ISL2: variants seen among roughly 807,000 people sequenced by gnomAD.
ISL2 encodes the protein insulin gene enhancer protein ISL-2.
A neutral mutation model predicts 34.6 loss-of-function variants in ISL2; 17 were observed. The ratio of observed to expected loss-of-function variants is 0.49; its 90% CI spans 0.34 to 0.74. The LOEUF (loss-of-function observed/expected upper bound fraction) is 0.74. ISL2 is among the 30% of genes least tolerant of loss of function. The pLI, the probability that ISL2 is intolerant of heterozygous loss-of-function variation, is 0.01. For missense variants in ISL2, 469 were observed against 515.2 expected (o/e 0.91, Z 0.87); for synonymous variants, 232 against 225.5 (o/e 1.03, Z -0.26).
At chr15:76,339,705 G>A (rs900882667) in intron 3 of ISL2, 4 of 985,702 alleles carry the variant, frequency 4.1e-6, no homozygotes, top group Admixed American at 1.2e-4. Context: ...ACTGTTGCAA[G>A]CCCTGGAGGC....
Position 76,337,836 on chromosome 15 carries a change from C to T in ISL2, c.117C>T (p.Ile39=), listed in dbSNP as rs1399645564. 1.2e-6 allele frequency: 2 copies of T among 1,612,278 alleles called. No homozygotes were observed. The highest frequency in any genetic ancestry group is 8.5e-7 in the Non-Finnish European group (1 of 1,179,474). The change falls in exon 2 of 6, where the codon ATC becomes ATT. Residue 39 remains isoleucine, a synonymous_variant. Coordinates refer to ENST00000290759, the MANE Select transcript of ISL2 (RefSeq NM_145805.3). ...GCGSQIHDQF[I]LRVSPDLEWH... ...GGAGTCAGATCCACGACCAGTTTAT[C>T]CTGCGGGTGTCGCCCGACCTCGAGT... is the stretch of plus-strand genomic sequence containing the variant.
intron 1 of ISL2, 122 bp from the exon 2 acceptor site, chr15:76,337,656 T>G (rs1254657020): frequency 9.6e-6 from 8 of 833,156 alleles, no homozygotes; most frequent in African/African-American, 1.8e-5. Flanking sequence ...TCTTTCCTTA[T>G]GGTCGCAAGT....
chr15:76,340,236 C>T (rs931868403), intron 3 of ISL2, 40 bp from the exon 4 acceptor site: 21 of 1,494,178 alleles, frequency 1.4e-5, no homozygotes, highest in Non-Finnish European at 1.8e-5. Context: ...GGGTGGGTGG[C>T]GGCCCCTCGC....
rs746201491 is a variant in ISL2, at chr15:76,341,008, G to A, written c.796-126G>A. 6.5e-6 allele frequency: 6 copies of A among 928,252 alleles called. No individual in the cohort carries two copies. In the Admixed American group the frequency reaches 1.1e-4, roughly 18 times the overall value. The allele number at this position is 928,252 out of a possible 1,614,324, so 57.5% of individuals were successfully genotyped here. A position where few individuals can be genotyped will look rare whatever the true frequency, so the allele number is the denominator to read the frequency against. The stretch of plus-strand genomic sequence containing the variant: ...GAAAGAGGGCTCTTCCGATGCGATC[G>A]AGTGTGCGCCTCCCCGCAAAGCAAT... On this transcript the variant is annotated intron_variant, in intron 4 of 5. Coordinates refer to ENST00000290759, the MANE Select transcript of ISL2 (RefSeq NM_145805.3).
intron 4 of ISL2, among the ~76,000 whole-genome samples, chr15:76,340,932 C>G (rs1265065949): frequency 6.6e-6 from 1 of 152,256 alleles, no homozygotes; most frequent in Non-Finnish European, 1.5e-5. Flanking sequence ...CTTCCAGCAC[C>G]GAGGCTGACC....
At chr15:76,340,660 A>G (rs1001063008) in intron 4 of ISL2, 101 bp downstream of exon 4, 12 of 1,107,258 alleles carry the variant, frequency 1.1e-5, no homozygotes, top group Middle Eastern at 2.9e-4. Context: ...AGATCCAGGG[A>G]GAACTGGGCG....
At chr15:76,337,537 A>C (rs2040159813) in intron 1 of ISL2, 1 of 466,882 alleles carries the variant, frequency 2.1e-6, no homozygotes, top group African/African-American at 2.0e-5. Context: ...ACTGTCATTA[A>C]TGAATGTAAT....
At position 76,341,065 on chromosome 15, in the gene ISL2, C is replaced by G. The variant is rs563467475; in HGVS notation, c.796-69C>G. The G allele has an allele frequency of 3.0e-5, 43 of 1,410,450 alleles. No homozygotes were observed. The African/African-American group carries it at 5.3e-4, about 17-fold the overall frequency. The allele number at this position is 1,410,450 out of a possible 1,614,324, so 87.4% of individuals were successfully genotyped here. On this transcript the variant is annotated intron_variant, in intron 4 of 5. Transcript: ENST00000290759. ...CCTAAATCACTCAAGGCCTGGAGCTCCAGTCTCAAAGGTGGCAGAAAAGGC... is the reference window on the plus strand; with the variant it reads ...CCTAAATCACTCAAGGCCTGGAGCTGCAGTCTCAAAGGTGGCAGAAAAGGC...
At chr15:76,341,687 C>T in intron 5 of ISL2, 32 bp from the exon 6 acceptor site, 1 of 1,507,478 alleles carries the variant, frequency 6.6e-7, no homozygotes, top group Admixed American at 1.7e-5. Context: ...TGCCTCTTCA[C>T]CTGCCTCTTC....
In ISL2 at chr15:76,341,270, G is replaced by A. The variant is rs1349884131; in HGVS notation, c.932G>A (p.Ser311Asn). 1.2e-6 allele frequency: 2 copies of A among 1,608,310 alleles called. No homozygotes were observed. Among genetic ancestry groups the A allele is most frequent in the South Asian group, 2.2e-5 (2 of 90,036 alleles). ...WKALSEFALQ[S>N]DLDQPAFQQL... ...GCGCTCAGCGAGTTTGCCCTCCAGA[G>A]CGACCTGGACCAACCCGCCTTCCAA... The change falls in exon 5 of 6, where the codon AGC becomes AAC. Residue 311 changes from serine (S) to asparagine (N), a missense_variant. By Grantham distance (46) the Ser-to-Asn change is conservative. This residue lies in a region of ISL2 where 169 missense variants were observed against 154.2 expected (regional missense o/e 1.10). Transcript: ENST00000290759.
chr15:76,341,676 G>T (rs1265289563), intron 5 of ISL2, 43 bp from the exon 6 acceptor site: 1 of 1,408,832 alleles, frequency 7.1e-7, no homozygotes, highest in East Asian at 2.3e-5. Context: ...ACCAGCTCGC[G>T]TGCCTCTTCA....
chr15:76,339,643 G>A, intron 3 of ISL2: 1 of 985,638 alleles, frequency 1.0e-6, no homozygotes, highest in Non-Finnish European at 1.2e-6. Context: ...TGGGGAACCT[G>A]GAGCCTTGAG....
At chr15:76,338,006 A>AGGGGCC (rs1251494527) in intron 2 of ISL2, 39 bp downstream of exon 2, 6 of 1,514,090 alleles carry the variant, frequency 4.0e-6, no homozygotes, top group African/African-American at 2.9e-5. Flanking sequence ...CACCGCGCGC[A>AGGGGCC]GGGGCCGGGG....
At chr15:76,338,874 T>G in intron 3 of ISL2, 11 of 985,300 alleles carry the variant, frequency 1.1e-5, no homozygotes, top group Non-Finnish European at 1.2e-5. Flanking sequence ...GAGGAATATG[T>G]GTTATTGTCA....
intron 3 of ISL2, chr15:76,339,314 G>A (rs534290890): frequency 1.0e-6 from 1 of 984,478 alleles, no homozygotes; most frequent in South Asian, 4.7e-5. Flanking sequence ...TATAGAAAGA[G>A]GAAACTGGGC....
In ISL2 at chr15:76,341,868, G is replaced by A. The variant is rs1384333624; in HGVS notation, c.*33G>A. The A allele has an allele frequency of 1.4e-6, 2 of 1,404,534 alleles. No individual in the cohort carries two copies. Among genetic ancestry groups the A allele is most frequent in the South Asian group, 1.1e-5 (1 of 86,964 alleles). The allele number at this position is 1,404,534 out of a possible 1,614,324, so 87.0% of individuals were successfully genotyped here. A position where few individuals can be genotyped will look rare whatever the true frequency, so the allele number is the denominator to read the frequency against. ...CCCTCCCTGCCAGCCCGCGGACCTC[G>A]CATGCTCCCTGCATGAGACTCACCC... On this transcript the variant is annotated 3_prime_UTR_variant, in exon 6 of 6. Coordinates refer to ENST00000290759, the MANE Select transcript of ISL2 (RefSeq NM_145805.3).
Position 76,341,750 on chromosome 15 carries a change from A to G in ISL2, c.995A>G (p.Asn332Ser). ...TTCTCCGAGTCCGGCTCCCTAGGCA[A>G]CTCCTCCGGCAGCGACGTGACCTCC... is the stretch of plus-strand genomic sequence containing the variant. ...VSFSESGSLG[N>S]SSGSDVTSLS... The change falls in exon 6 of 6, where the codon AAC (asparagine) becomes AGC (serine). Residue 332 changes from asparagine (N) to serine (S), a missense_variant. By Grantham distance (46) the Asn-to-Ser change is conservative. This residue lies in a region of ISL2 where 169 missense variants were observed against 154.2 expected (regional missense o/e 1.10). Coordinates refer to ENST00000290759, the MANE Select transcript of ISL2 (RefSeq NM_145805.3). 1 of 1,612,484 alleles carries G rather than the reference A, an allele frequency of 6.2e-7. No homozygotes were observed. The highest frequency in any genetic ancestry group is 1.1e-5 in the South Asian group (1 of 90,972).
At chr15:76,341,540 G>T (rs1446380101) in intron 5 of ISL2, among the ~76,000 whole-genome samples, 179 bp from the exon 6 acceptor site, 1 of 152,144 alleles carries the variant, frequency 6.6e-6, no homozygotes, top group East Asian at 1.9e-4. Context: ...TAACCAACCC[G>T]CTCCCCCGCC....
At position 76,341,595 on chromosome 15, in the gene ISL2, C is replaced by A. The variant is rs1267196850; in HGVS notation, c.964-124C>A. The A allele has an allele frequency of 5.1e-6, 4 of 791,782 alleles. No individual in the cohort carries two copies. In the African/African-American group the frequency reaches 5.1e-5, roughly 10 times the overall value. The allele number at this position is 791,782 out of a possible 1,614,324, so 49.0% of individuals were successfully genotyped here. On this transcript the variant is annotated intron_variant, in intron 5 of 5. Coordinates refer to ENST00000290759, the MANE Select transcript of ISL2 (RefSeq NM_145805.3). Reference sequence around the variant, plus strand: ...CCTGGGGACCTGGCCTCCTTCTCCGCAGGGCTTGCTCTCAGCTGGCGGCCG... The same window carrying A: ...CCTGGGGACCTGGCCTCCTTCTCCGAAGGGCTTGCTCTCAGCTGGCGGCCG...
Sources: allele counts gnomAD v4.1 joint callset (sites outside exome capture counted in the v4.1 genomes callset), GRCh38; gene constraint gnomAD v4.1.1; regional missense constraint gnomAD v4.1.1; transcripts MANE v1.5; gene names NCBI Gene and HGNC (gene_info 2026-07-23, HGNC 2026-07-21).